The following GRHL2 variants were observed in gnomAD, a reference collection of about 807,000 sequenced individuals.
GRHL2 encodes grainyhead like transcription factor 2.
GRHL2 carries 21 observed loss-of-function variants against 83.8 expected under a neutral mutation model. The observed-to-expected ratio is 0.25, with a 90% CI of 0.18 to 0.36. The LOEUF is 0.36. Among genes scored for constraint, GRHL2 ranks in the 10% least tolerant of loss-of-function variants. GRHL2 has a pLI of 1.00. For missense variants in GRHL2, 623 were observed against 781.8 expected, an observed-to-expected ratio of 0.80 and a Z score of 2.42; for synonymous variants, 280 against 278.9, an observed-to-expected ratio of 1.00 and a Z score of -0.04.
Position 101,666,698 on chromosome 8 carries a change from A to T in GRHL2, c.1873A>T (p.Ile625Phe), listed in dbSNP as rs763142693. Residue 625 changes from isoleucine to phenylalanine, a missense_variant, in exon 16 of 16, where the codon ATC (isoleucine) becomes TTC (phenylalanine). Ile to Phe is a conservative substitution (Grantham distance 21). Coordinates refer to ENST00000646743, the MANE Select transcript of GRHL2 (RefSeq NM_024915.4). ...VEGFKVTLME[I>F] Reference sequence around the variant, plus strand: ...GGGCTTCAAGGTCACGCTCATGGAAATCTAGCCCTGGGTTTGGCATCCGCT... The same window carrying T: ...GGGCTTCAAGGTCACGCTCATGGAATTCTAGCCCTGGGTTTGGCATCCGCT... The T allele has an allele frequency of 6.2e-7, 1 of 1,604,214 alleles. No individual in the cohort carries two copies.
At chr8:101,522,074 T>C (rs1810697076) in intron 1 of GRHL2, among the ~76,000 whole-genome samples, 1 of 152,204 alleles carries the variant, frequency 6.6e-6, no homozygotes, top group Non-Finnish European at 1.5e-5. Flanking sequence ...AGAGTGCTTA[T>C]ATGTTTGCAA....
At chr8:101,594,985 A>G (rs1812361620) in intron 7 of GRHL2, among the ~76,000 whole-genome samples, 2 of 152,242 alleles carry the variant, frequency 1.3e-5, no homozygotes, top group East Asian at 1.9e-4. Context: ...TAGTCTTACT[A>G]TCCTTTTGTT....
At chr8:101,605,517 C>T (rs1812615325) in intron 8 of GRHL2, among the ~76,000 whole-genome samples, 1 of 152,216 alleles carries the variant, frequency 6.6e-6, no homozygotes, top group South Asian at 2.1e-4. Context: ...GACTCCATTT[C>T]CTTGAGCAAA....
At chr8:101,618,397 G>A (rs1333054177) in intron 8 of GRHL2, among the ~76,000 whole-genome samples, 1 of 152,178 alleles carries the variant, frequency 6.6e-6, no homozygotes, top group Non-Finnish European at 1.5e-5. Context: ...GCGCTGTGCT[G>A]TAAGGTGAGG....
chr8:101,633,734 T>C (rs1813232191), intron 11 of GRHL2, among the ~76,000 whole-genome samples: 1 of 152,172 alleles, frequency 6.6e-6, no homozygotes, highest in Non-Finnish European at 1.5e-5. Flanking sequence ...TACCTATTTT[T>C]TTTTTAATTC....
chr8:101,652,534 T>TGTGTGTGTGGTGTTTGTGTGTG lies in GRHL2; in HGVS notation c.1698+3044_1698+3045insGTGTTTGTGTGTGGTGTGTGTG, dbSNP rs1563627488. ...TGGTGTGTGTGTGGTGTGTGTGTGG[T>TGTGTGTGTGGTGTTTGTGTGTG]GTGTGTGTGTGTGGTGTGTATGTGT... On this transcript the variant is annotated intron_variant, in intron 14 of 15. Transcript: ENST00000646743. 3.5e-4 allele frequency among the ~76,000 whole-genome samples: 27 copies of TGTGTGTGTGGTGTTTGTGTGTG among 78,188 alleles called. 1 individual carries two copies. Among genetic ancestry groups the TGTGTGTGTGGTGTTTGTGTGTG allele is most frequent in the African/African-American group, 1.5e-3 (20 of 13,108 alleles). The allele number at this position is 78,188 out of a possible 152,430, so 51.3% of individuals were successfully genotyped here.
At chr8:101,503,489 G>A (rs1563553345) in intron 1 of GRHL2, among the ~76,000 whole-genome samples, 1 of 152,078 alleles carries the variant, frequency 6.6e-6, no homozygotes, top group South Asian at 2.1e-4. Context: ...AACCGGGTTC[G>A]GGTAAAATAT....
At chr8:101,673,592 G>C (rs1814243868), downstream of GRHL2, among the ~76,000 whole-genome samples, 1 of 151,074 alleles carries the variant, frequency 6.6e-6, no homozygotes, top group Non-Finnish European at 1.5e-5. Context: ...GACCTACAAA[G>C]AGACTTCGAC....
downstream of GRHL2, among the ~76,000 whole-genome samples, chr8:101,670,723 C>T (rs975428113): frequency 1.3e-5 from 2 of 152,200 alleles, no homozygotes; most frequent in African/African-American, 4.8e-5. Flanking sequence ...GTTAGGTGCT[C>T]GCCATGTGTG....
At position 101,572,361 on chromosome 8, in the gene GRHL2, G is replaced by A. The variant is rs541143059; in HGVS notation, c.735-1307G>A. On this transcript the variant is annotated intron_variant, in intron 5 of 15. Coordinates refer to ENST00000646743, the MANE Select transcript of GRHL2 (RefSeq NM_024915.4). ...AGACACATATTCTGGAATTTGCTTA[G>A]TTTATTAGCTTAAGCCTAAGATTTT... Among the ~76,000 whole-genome samples the A allele has an allele frequency of 3.3e-5, 5 of 152,250 alleles. No homozygotes were observed. In the South Asian group the frequency reaches 1.0e-3, roughly 32 times the overall value.
intron 7 of GRHL2, among the ~76,000 whole-genome samples, chr8:101,592,424 T>C (rs192613918): frequency 6.6e-6 from 1 of 152,200 alleles, no homozygotes; most frequent in Admixed American, 6.5e-5. Context: ...TTTCTAATAC[T>C]GTGTGGAGTG....
intron 7 of GRHL2, among the ~76,000 whole-genome samples, chr8:101,587,148 G>A (rs1812185641): frequency 6.6e-6 from 1 of 152,132 alleles, no homozygotes; most frequent in South Asian, 2.1e-4. Context: ...CAACGAATGT[G>A]TCCCTTCGTC....
chr8:101,595,726 C>A (rs191463519), intron 7 of GRHL2, among the ~76,000 whole-genome samples: 1 of 151,590 alleles, frequency 6.6e-6, no homozygotes, highest in East Asian at 1.9e-4. Flanking sequence ...TTAGCTTTAA[C>A]TATTTATTTC....
chr8:101,641,416 C>A (rs1813398099), intron 12 of GRHL2, among the ~76,000 whole-genome samples: 1 of 152,090 alleles, frequency 6.6e-6, no homozygotes, highest in African/African-American at 2.4e-5. Flanking sequence ...CTCCGTGGTG[C>A]CTGCAACCCC....
rs118094236 is a variant in GRHL2 at position 101,608,389 on chromosome 8, C to T, written c.1098+9238C>T. Among the ~76,000 whole-genome samples the T allele has an allele frequency of 2.4e-3, 364 of 152,014 alleles. 7 individuals carry two copies. In the East Asian group the frequency reaches 0.057, roughly 24 times the overall value. On this transcript the variant is annotated intron_variant, in intron 8 of 15. Transcript: ENST00000646743. ...GGGAATAACCATTCCTGTGAAGCTGCGCACCCACTGCATATCAGGCACTGG... is the reference window on the plus strand; with the variant it reads ...GGGAATAACCATTCCTGTGAAGCTGTGCACCCACTGCATATCAGGCACTGG...
At chr8:101,589,382 G>A (rs1812229747) in intron 7 of GRHL2, among the ~76,000 whole-genome samples, 1 of 152,206 alleles carries the variant, frequency 6.6e-6, no homozygotes, top group Admixed American at 6.5e-5. Context: ...GTGCTGTGGT[G>A]CAAGCACGGG....
intron 15 of GRHL2, among the ~76,000 whole-genome samples, chr8:101,665,346 C>T (rs182156083): frequency 1.8e-4 from 27 of 152,270 alleles, no homozygotes; most frequent in African/African-American, 6.5e-4. Context: ...GGGGTATTTT[C>T]CTACAAAAGG....
At chr8:101,649,377 C>T in intron 13 of GRHL2, 37 bp from the exon 14 acceptor site, 2 of 1,523,036 alleles carry the variant, frequency 1.3e-6, no homozygotes, top group Non-Finnish European at 9.1e-7. Flanking sequence ...ATTGTGCAGC[C>T]CCTCGGTCAC....
At chr8:101,581,862 G>T (rs1812059405) in intron 7 of GRHL2, among the ~76,000 whole-genome samples, 1 of 152,194 alleles carries the variant, frequency 6.6e-6, no homozygotes, top group African/African-American at 2.4e-5. Flanking sequence ...AGGATAACTA[G>T]GGCATGTGAG....
Sources: allele counts gnomAD v4.1 joint callset (sites outside exome capture counted in the v4.1 genomes callset), GRCh38; gene constraint gnomAD v4.1.1; transcripts MANE v1.5; gene names NCBI Gene and HGNC (gene_info 2026-07-23, HGNC 2026-07-21).